The following ATXN2 variants were observed in gnomAD, a reference collection of about 807,000 sequenced individuals.
ATXN2 encodes the protein ataxin 2.
ATXN2 carries 37 observed loss-of-function variants against 138.6 expected under a neutral mutation model. The observed-to-expected ratio is 0.27, with a 90% CI of 0.21 to 0.35. The LOEUF is 0.35. ATXN2 is among the 10% of genes least tolerant of loss of function. ATXN2 has a pLI of 1.00. For missense variants in ATXN2, 1,216 were observed against 1,480.3 expected, an observed-to-expected ratio of 0.82 and a Z score of 2.93; for synonymous variants, 549 against 543.7, an observed-to-expected ratio of 1.01 and a Z score of -0.13.
chr12:111,521,030 C>T, intron 6 of ATXN2, 57 bp from the exon 7 acceptor site: 2 of 1,107,730 alleles, frequency 1.8e-6, no homozygotes, highest in Non-Finnish European at 2.6e-6. Flanking sequence ...CCCTTTCATT[C>T]AGTTATAACC....
rs1879446229 is a variant in ATXN2 at position 111,510,533 on chromosome 12, G to A, written c.1608C>T (p.Asn536=). The A allele has an allele frequency of 6.2e-7, 1 of 1,613,998 alleles. No homozygotes were observed. The highest frequency in any genetic ancestry group is 8.5e-7 in the Non-Finnish European group (1 of 1,179,888). The stretch of plus-strand genomic sequence containing the variant: ...GCCCACTGGGGGTATTTCCAATACT[G>A]TTCTGTCTGGGAGACCTGGGTCTAT... ...KTHRPRSPRQ[N]SIGNTPSGPV... The change falls in exon 12 of 25, where the codon AAC becomes AAT. Residue 536 remains asparagine (N), a synonymous_variant. Transcript: ENST00000673436.
chr12:111,530,441 G>A (rs1344803159), intron 5 of ATXN2, among the ~76,000 whole-genome samples: 1 of 152,214 alleles, frequency 6.6e-6, no homozygotes, highest in Non-Finnish European at 1.5e-5. Flanking sequence ...AGCAACAGCT[G>A]ATCTAGGCCT....
chr12:111,575,417 C>A (rs1054978054), intron 1 of ATXN2, among the ~76,000 whole-genome samples: 69 of 152,010 alleles, frequency 4.5e-4, no homozygotes, highest in African/African-American at 1.6e-3. Flanking sequence ...GAACTCCTGG[C>A]CCTTCCCATT....
chr12:111,582,858 C>G (rs995365642), intron 1 of ATXN2, among the ~76,000 whole-genome samples: 4 of 151,900 alleles, frequency 2.6e-5, no homozygotes, highest in African/African-American at 9.7e-5. Flanking sequence ...TTAGTAGAGA[C>G]AGGGTTTCCC....
chr12:111,508,704 C>T (rs1267616030), intron 14 of ATXN2, among the ~76,000 whole-genome samples: 1 of 151,966 alleles, frequency 6.6e-6, no homozygotes, highest in African/African-American at 2.4e-5. Flanking sequence ...ACCTCGGCCT[C>T]CCAAAGTGCT....
At chr12:111,488,856 C>A in intron 14 of ATXN2, 76 bp from the exon 15 acceptor site, 5 of 1,218,184 alleles carry the variant, frequency 4.1e-6, no homozygotes, top group Non-Finnish European at 5.7e-6. Context: ...GCACAAGCTA[C>A]GTAATATTAA....
intron 20 of ATXN2, chr12:111,468,238 C>T (rs891364528): frequency 3.9e-5 from 6 of 152,214 alleles, no homozygotes; most frequent in Non-Finnish European, 7.4e-5. Flanking sequence ...CCCGTTAAGA[C>T]AACTAAAGAC....
chr12:111,479,414 A>G (rs1399704700), intron 18 of ATXN2, among the ~76,000 whole-genome samples: 1 of 149,348 alleles, frequency 6.7e-6, no homozygotes, highest in Non-Finnish European at 1.5e-5. Context: ...AAAAAAAAAA[A>G]AAGAGAGAGA....
At chr12:111,533,891 G>A (rs1198121326) in intron 5 of ATXN2, among the ~76,000 whole-genome samples, 1 of 152,020 alleles carries the variant, frequency 6.6e-6, no homozygotes, top group Non-Finnish European at 1.5e-5. Flanking sequence ...TGGATAGAGA[G>A]GGCTGACTGT....
chr12:111,526,226 C>T (rs1482168734), intron 5 of ATXN2, among the ~76,000 whole-genome samples: 1 of 151,404 alleles, frequency 6.6e-6, no homozygotes, highest in African/African-American at 2.4e-5. Flanking sequence ...CATGGTGGCA[C>T]ATGCCTGTAG....
chr12:111,495,351 A>T (rs1878351323), intron 14 of ATXN2, among the ~76,000 whole-genome samples: 2 of 152,102 alleles, frequency 1.3e-5, no homozygotes, highest in South Asian at 4.2e-4. Flanking sequence ...GCCTACAAGA[A>T]ACACACTTTA....
intron 14 of ATXN2, 58 bp downstream of exon 14, chr12:111,509,491 A>C (rs1879374538): frequency 3.1e-6 from 3 of 965,860 alleles, no homozygotes; most frequent in African/African-American, 3.3e-5. Flanking sequence ...TAAATAGATA[A>C]ATCTTTAGTA....
At chr12:111,583,766 CAAAAAAAAA>C (rs748838859) in intron 1 of ATXN2, among the ~76,000 whole-genome samples, 6 of 58,120 alleles carry the variant, frequency 1.0e-4, no homozygotes, top group Admixed American at 3.0e-4. Flanking sequence ...GACTCCGACT[CAAAAAAAAA>C]AAAAAAAAAA....
intron 18 of ATXN2, chr12:111,471,895 T>C (rs1364782213): frequency 6.6e-6 from 1 of 152,138 alleles, no homozygotes; most frequent in Non-Finnish European, 1.5e-5. Flanking sequence ...AAAAAATAAT[T>C]AAAAAGCTAG....
At chr12:111,491,128 C>G (rs1333840480) in intron 14 of ATXN2, among the ~76,000 whole-genome samples, 1 of 152,002 alleles carries the variant, frequency 6.6e-6, no homozygotes, top group Non-Finnish European at 1.5e-5. Flanking sequence ...TAGCGCATGC[C>G]GGTAATCCCA....
At chr12:111,515,812 G>C (rs976987037) in intron 10 of ATXN2, among the ~76,000 whole-genome samples, 3 of 152,316 alleles carry the variant, frequency 2.0e-5, no homozygotes, top group Non-Finnish European at 2.9e-5. Flanking sequence ...CTAAGTTCAA[G>C]ACTGGCTGAA....
intron 5 of ATXN2, among the ~76,000 whole-genome samples, chr12:111,547,611 G>A (rs1881870959): frequency 6.6e-6 from 1 of 151,834 alleles, no homozygotes; most frequent in African/African-American, 2.4e-5. Flanking sequence ...TGTAATCCCA[G>A]CTACTCGGGA....
intron 5 of ATXN2, among the ~76,000 whole-genome samples, chr12:111,534,984 TA>T (rs199761312): frequency 2.6e-5 from 4 of 151,126 alleles, no homozygotes; most frequent in Admixed American, 6.6e-5. Context: ...AAAACTAAAC[TA>T]AAAAAAACAA....
intron 1 of ATXN2, among the ~76,000 whole-genome samples, chr12:111,581,947 T>TAA (rs372364208): frequency 4.4e-5 from 6 of 136,988 alleles, no homozygotes; most frequent in Admixed American, 2.2e-4. Context: ...GTTTCTGGTT[T>TAA]AAAAAAAAAA....
Sources: allele counts gnomAD v4.1 joint callset (sites outside exome capture counted in the v4.1 genomes callset), GRCh38; gene constraint gnomAD v4.1.1; transcripts MANE v1.5; gene names NCBI Gene and HGNC (gene_info 2026-07-23, HGNC 2026-07-21).